The following CRACDL variants were observed in gnomAD, a reference collection of about 807,000 sequenced individuals.
The protein encoded by CRACDL is CRACD-like protein.
A neutral mutation model predicts 70.6 loss-of-function variants in CRACDL; 26 were observed. That is an observed-to-expected ratio of 0.37 (90% CI 0.27 to 0.51). The LOEUF (loss-of-function observed/expected upper bound fraction) is 0.51, where lower values mean the gene tolerates loss of function less well. CRACDL is among the 20% of genes least tolerant of loss of function. The pLI is 0.94. For synonymous variants in CRACDL, 618 were observed against 615.2 expected (o/e 1.00, Z -0.07); for missense variants, 1,283 against 1,376.9 (o/e 0.93, Z 1.08).
At chr2:98,831,822 A>C (rs1457062161) in intron 5 of CRACDL, among the ~76,000 whole-genome samples, 1 of 152,156 alleles carries the variant, frequency 6.6e-6, no homozygotes, top group East Asian at 1.9e-4. Flanking sequence ...TGCTGAGGTC[A>C]TCAGTTCCTC....
chr2:98,842,868 T>TTGTGTGTGTGTGTGTG (rs67398751), intron 2 of CRACDL, among the ~76,000 whole-genome samples: 23 of 145,066 alleles, frequency 1.6e-4, no homozygotes, highest in African/African-American at 4.5e-4. Context: ...TTGCTATAGT[T>TTGTGTGTGTGTGTGTG]TGTGTGTGTG....
At chr2:98,838,669 A>T (rs1705898096) in intron 2 of CRACDL, among the ~76,000 whole-genome samples, 1 of 152,194 alleles carries the variant, frequency 6.6e-6, no homozygotes, top group Non-Finnish European at 1.5e-5. Context: ...CCTCTCTCAA[A>T]AAAAATAAAA....
chr2:98,911,049 C>G (rs1708534923), intron 1 of CRACDL, among the ~76,000 whole-genome samples: 1 of 152,172 alleles, frequency 6.6e-6, no homozygotes, highest in Admixed American at 6.5e-5. Flanking sequence ...CCTGGTAGGA[C>G]AGTGCCAAGC....
intron 1 of CRACDL, among the ~76,000 whole-genome samples, chr2:98,870,647 A>T (rs745314041): frequency 1.2e-4 from 18 of 152,076 alleles, no homozygotes; most frequent in Non-Finnish European, 2.5e-4. Context: ...GTCTCTAAGG[A>T]CTGTCCCAGC....
chr2:98,892,771 GA>G (rs1558626273), intron 1 of CRACDL, among the ~76,000 whole-genome samples: 1 of 151,862 alleles, frequency 6.6e-6, no homozygotes, highest in Non-Finnish European at 1.5e-5. Context: ...TTTATTTTTG[GA>G]AAAAAACCCT....
At chr2:98,843,681 A>G (rs892424367) in intron 2 of CRACDL, among the ~76,000 whole-genome samples, 10 of 152,188 alleles carry the variant, frequency 6.6e-5, no homozygotes, top group African/African-American at 2.4e-4. Flanking sequence ...CCATATTTGT[A>G]TGGGTCTGTT....
chr2:98,866,296 T>C lies in CRACDL; in HGVS notation c.-10-19486A>G, dbSNP rs75724120. Reference sequence around the variant, plus strand: ...AAGGCGTGGCCTAGAGAAAGCCCCTTTCTTGCTAAGTAGGTAAAACTGGAA... The same window carrying C: ...AAGGCGTGGCCTAGAGAAAGCCCCTCTCTTGCTAAGTAGGTAAAACTGGAA... On this transcript the variant is annotated intron_variant, in intron 1 of 9. Coordinates refer to ENST00000397899, the MANE Select transcript of CRACDL (RefSeq NM_207362.3). Among the ~76,000 whole-genome samples the C allele has an allele frequency of 2.6e-5, 4 of 152,126 alleles. No homozygotes were observed. In the East Asian group the frequency reaches 7.8e-4, roughly 30 times the overall value.
chr2:98,835,204 A>C (rs1446040216), intron 3 of CRACDL, among the ~76,000 whole-genome samples: 1 of 152,256 alleles, frequency 6.6e-6, no homozygotes, highest in African/African-American at 2.4e-5. Context: ...ATATCAGCAA[A>C]TTAATGGTTA....
intron 1 of CRACDL, among the ~76,000 whole-genome samples, chr2:98,904,222 C>T (rs1016838374): frequency 1.3e-5 from 2 of 152,222 alleles, no homozygotes; most frequent in African/African-American, 4.8e-5. Context: ...ATTGCAATCC[C>T]TTTCCTTACT....
chr2:98,860,690 A>T (rs1706902560), intron 1 of CRACDL, among the ~76,000 whole-genome samples: 1 of 152,262 alleles, frequency 6.6e-6, no homozygotes, highest in African/African-American at 2.4e-5. Flanking sequence ...AAACAGGAGT[A>T]AGCCTGTCAT....
At chr2:98,930,502 C>T (rs1310036083) in intron 1 of CRACDL, among the ~76,000 whole-genome samples, 3 of 127,168 alleles carry the variant, frequency 2.4e-5, no homozygotes, top group African/African-American at 9.2e-5. Context: ...TCCTGTGTCC[C>T]CTACTCCATC....
Position 98,822,633 on chromosome 2 carries a change from G to A in CRACDL, c.1640C>T (p.Ala547Val). Residue 547 changes from alanine to valine, a missense_variant, in exon 7 of 10, where the codon GCG becomes GTG. Ala to Val is a moderately conservative substitution (Grantham distance 64). Transcript: ENST00000397899. This position sits in a 1 kb window ranked among gnomAD's most constrained non-coding sequence, Gnocchi z 4.9. ...CGCCCTCTCGGCGCCCGCCGGTGGC[G>A]CCTCGGCTCGCTCGGCCTTGGGGCG... ...PERPKAERAE[A>V]PPAGAERAAP... 1 of 1,364,352 alleles carries A rather than the reference G, an allele frequency of 7.3e-7. No individual in the cohort carries two copies. Among genetic ancestry groups the A allele is most frequent in the Non-Finnish European group, 9.4e-7 (1 of 1,068,956 alleles). The allele number at this position is 1,364,352 out of a possible 1,614,324, so 84.5% of individuals were successfully genotyped here. A position where few individuals can be genotyped will look rare whatever the true frequency, so the allele number is the denominator to read the frequency against.
chr2:98,903,223 C>T (rs1708326512), intron 1 of CRACDL, among the ~76,000 whole-genome samples: 1 of 152,162 alleles, frequency 6.6e-6, no homozygotes, highest in East Asian at 1.9e-4. Flanking sequence ...ATCAAAACAG[C>T]CTGAAGCCAC....
chr2:98,854,279 C>CAAAAAAAAAAAAAAAAAAA (rs1229198569), intron 1 of CRACDL, among the ~76,000 whole-genome samples: 1 of 54,190 alleles, frequency 1.8e-5, no homozygotes, highest in Non-Finnish European at 3.7e-5. Flanking sequence ...GACTCTGTCT[C>CAAAAAAAAAAAAAAAAAAA]AAAAAAAAAA....
chr2:98,819,350 G>A (rs1264053403), intron 7 of CRACDL, among the ~76,000 whole-genome samples: 1 of 152,212 alleles, frequency 6.6e-6, no homozygotes, highest in African/African-American at 2.4e-5. Context: ...TCTAGGCCAT[G>A]AAGGTCAGGG....
At chr2:98,893,114 G>A (rs531996725) in intron 1 of CRACDL, among the ~76,000 whole-genome samples, 1 of 152,170 alleles carries the variant, frequency 6.6e-6, no homozygotes, top group African/African-American at 2.4e-5. Flanking sequence ...GCAGCAGGGA[G>A]CGGGGCACAG....
chr2:98,835,486 C>T (rs527651288), intron 3 of CRACDL, among the ~76,000 whole-genome samples: 1 of 151,966 alleles, frequency 6.6e-6, no homozygotes, highest in Non-Finnish European at 1.5e-5. Context: ...AAAGACGGAG[C>T]GAATTTCAAG....
chr2:98,869,482 C>T, intron 1 of CRACDL: 1 of 251,974 alleles, frequency 4.0e-6, no homozygotes, highest in Non-Finnish European at 7.9e-6. Flanking sequence ...GGCATCCCCA[C>T]TGAGTTGCTT....
intron 1 of CRACDL, among the ~76,000 whole-genome samples, chr2:98,901,052 G>C (rs1277215718): frequency 1.3e-5 from 2 of 152,210 alleles, no homozygotes; most frequent in Non-Finnish European, 2.9e-5. Context: ...GGCGCACAGG[G>C]TCAAGCATGT....
Sources: allele counts gnomAD v4.1 joint callset (sites outside exome capture counted in the v4.1 genomes callset), GRCh38; gene constraint gnomAD v4.1.1; non-coding constraint Gnocchi (gnomAD v3.1); transcripts MANE v1.5; gene names NCBI Gene and HGNC (gene_info 2026-07-23, HGNC 2026-07-21).